SOX5: variants seen among roughly 807,000 people sequenced by gnomAD.
The protein encoded by SOX5 is transcription factor SOX-5.
In SOX5, 9 loss-of-function variants were observed where a neutral mutation model predicts 92.0. That is an observed-to-expected ratio of 0.10 (90% CI 0.06 to 0.17). SOX5 has a LOEUF of 0.17. Ranked by LOEUF, SOX5 falls within the 10% of genes least tolerant of loss-of-function variation. SOX5 has a pLI of 1.00. For synonymous variants in SOX5, 344 were observed against 336.3 expected, an observed-to-expected ratio of 1.02 and a Z score of -0.25; for missense variants, 642 against 944.5, an observed-to-expected ratio of 0.68 and a Z score of 4.20.
intron 4 of SOX5, among the ~76,000 whole-genome samples, chr12:23,964,477 G>A (rs1947315161): frequency 6.6e-6 from 1 of 152,064 alleles, no homozygotes; most frequent in African/African-American, 2.4e-5. Flanking sequence ...TAGCATAGTG[G>A]CATCAATATA....
intron 4 of SOX5, among the ~76,000 whole-genome samples, chr12:24,034,381 C>T (rs1955809501): frequency 6.6e-6 from 1 of 151,876 alleles, no homozygotes; most frequent in African/African-American, 2.4e-5. Context: ...CATCTGGTAA[C>T]CATGTGTGGT....
At chr12:23,828,898 C>T (rs892109506) in intron 3 of SOX5, among the ~76,000 whole-genome samples, 3 of 152,132 alleles carry the variant, frequency 2.0e-5, no homozygotes, top group Admixed American at 6.5e-5. Context: ...CTTAATCATC[C>T]AAAATGCCCA....
intron 7 of SOX5, among the ~76,000 whole-genome samples, chr12:23,663,019 G>A (rs1313003025): frequency 3.3e-5 from 5 of 152,182 alleles, no homozygotes; most frequent in South Asian, 2.1e-4. Context: ...TCCCACTGAA[G>A]AGCGGTAATG....
At chr12:23,652,006 T>A (rs558148455) in intron 7 of SOX5, among the ~76,000 whole-genome samples, 2 of 152,086 alleles carry the variant, frequency 1.3e-5, no homozygotes, top group Non-Finnish European at 2.9e-5. Flanking sequence ...CTAAAAAAAA[T>A]GAACTATCTA....
intron 6 of SOX5, among the ~76,000 whole-genome samples, chr12:23,717,257 TA>T (rs982915091): frequency 6.6e-6 from 1 of 152,180 alleles, no homozygotes; most frequent in Non-Finnish European, 1.5e-5. Flanking sequence ...ATATCTTGCA[TA>T]AATATTAACA....
At chr12:23,608,621 G>A (rs1273408184) in intron 8 of SOX5, among the ~76,000 whole-genome samples, 1 of 152,116 alleles carries the variant, frequency 6.6e-6, no homozygotes, top group East Asian at 1.9e-4. Context: ...GGACAAGGCA[G>A]AACTGAATTC....
At chr12:24,222,782 C>A (rs1960802845) in intron 3 of SOX5, among the ~76,000 whole-genome samples, 1 of 152,142 alleles carries the variant, frequency 6.6e-6, no homozygotes, top group Admixed American at 6.5e-5. Flanking sequence ...TGCTAAGAAA[C>A]ATTTAAAAAA....
intron 2 of SOX5, among the ~76,000 whole-genome samples, chr12:23,889,171 T>C (rs1219611748): frequency 6.6e-6 from 1 of 152,206 alleles, no homozygotes; most frequent in Non-Finnish European, 1.5e-5. Context: ...AAATTCTCAT[T>C]ATTAGAACTG....
Position 24,119,513 on chromosome 12 carries a change from A to G in SOX5, c.-2+93830T>C, listed in dbSNP as rs1948408151. 1.3e-5 allele frequency among the ~76,000 whole-genome samples: 2 copies of G among 152,138 alleles called. 1 individual carries two copies. Among genetic ancestry groups the G allele is most frequent in the South Asian group, 4.1e-4 (2 of 4,826 alleles). On this transcript the variant is annotated intron_variant, in intron 4 of 4. Coordinates refer to the SOX5 transcript ENST00000446891. ...TCATACCTTAAACGTAATTATGTAAAGCCATAATTTATGGAGTACCTCTAT... is the reference window on the plus strand; with the variant it reads ...TCATACCTTAAACGTAATTATGTAAGGCCATAATTTATGGAGTACCTCTAT...
chr12:23,889,564 A>G (rs1378402442), intron 2 of SOX5, among the ~76,000 whole-genome samples: 4 of 152,184 alleles, frequency 2.6e-5, no homozygotes, highest in Non-Finnish European at 4.4e-5. Flanking sequence ...AGTGAGCCTG[A>G]GCAAGTAAAA....
intron 2 of SOX5, among the ~76,000 whole-genome samples, chr12:23,856,638 T>C (rs2136287523): frequency 6.6e-6 from 1 of 152,282 alleles, no homozygotes; most frequent in East Asian, 1.9e-4. Context: ...ATTCAGGTGC[T>C]GCAAGATATG....
chr12:24,104,437 T>C (rs1162472142), intron 4 of SOX5, among the ~76,000 whole-genome samples: 2 of 152,312 alleles, frequency 1.3e-5, no homozygotes, highest in South Asian at 2.1e-4. Context: ...TAAGATACCA[T>C]ATCAATCTGA....
chr12:23,662,836 A>G (rs2083249814), intron 7 of SOX5, among the ~76,000 whole-genome samples: 2 of 152,350 alleles, frequency 1.3e-5, no homozygotes, highest in South Asian at 2.1e-4. Context: ...GATTGATGAA[A>G]AGTATCTGTA....
intron 4 of SOX5, among the ~76,000 whole-genome samples, chr12:24,146,424 T>A (rs907624169): frequency 6.6e-6 from 1 of 152,042 alleles, no homozygotes; most frequent in Non-Finnish European, 1.5e-5. Flanking sequence ...TTAGAAAGTA[T>A]CTGAACTAAG....
At chr12:23,578,214 T>C (rs901471079) in intron 9 of SOX5, among the ~76,000 whole-genome samples, 2 of 144,716 alleles carry the variant, frequency 1.4e-5, no homozygotes, top group African/African-American at 5.2e-5. Context: ...CCATAATCTA[T>C]ATATATGATG....
At chr12:24,269,405 CTAA>C (rs1250917587) in intron 3 of SOX5, among the ~76,000 whole-genome samples, 1 of 152,100 alleles carries the variant, frequency 6.6e-6, no homozygotes, top group African/African-American at 2.4e-5. Context: ...AATGGTATAA[CTAA>C]TCATTATCCT....
At chr12:23,600,511 C>T (rs74072242) in intron 9 of SOX5, among the ~76,000 whole-genome samples, 1,119 of 34,374 alleles carry the variant, frequency 0.033, 14 homozygotes, top group African/African-American at 0.13. Context: ...TAGACCATGG[C>T]GGGGGGGGTG....
chr12:23,567,936 G>T (rs956406163), intron 10 of SOX5, among the ~76,000 whole-genome samples: 5 of 152,236 alleles, frequency 3.3e-5, no homozygotes, highest in East Asian at 1.9e-4. Context: ...AGTAGTAATG[G>T]CTGCTATACA....
chr12:24,414,959 T>C lies in SOX5; in HGVS notation c.-250-46320A>G, dbSNP rs73283489. 5.6e-3 allele frequency among the ~76,000 whole-genome samples: 860 copies of C among 152,268 alleles called. 7 individuals carry two copies. The highest frequency in any genetic ancestry group is 0.02 in the African/African-American group (829 of 41,540). On this transcript the variant is annotated intron_variant, in intron 1 of 4. Coordinates refer to the SOX5 transcript ENST00000446891. ...ATCTCGGAGGCATTTCTATAGCCAA[T>C]GCAAATTATATTTCTTTGTTTGCCT...
Sources: gnomAD v4.1 joint callset for allele counts (sites outside exome capture counted in the v4.1 genomes callset) on GRCh38, gnomAD v4.1.1 for gene constraint, MANE v1.5 for transcripts, NCBI Gene and HGNC (gene_info 2026-07-23, HGNC 2026-07-21) for gene names.